Variants in XKR9 observed in about 807,000 individuals in gnomAD.
XKR9 encodes the protein XK-related protein 9.
A neutral mutation model predicts 32.0 loss-of-function variants in XKR9; 32 were observed. That is an observed-to-expected ratio of 1.00 (90% CI 0.76 to 1.34). The LOEUF (loss-of-function observed/expected upper bound fraction) is 1.34, where lower values mean the gene tolerates loss of function less well. Among genes scored for constraint, XKR9 ranks in the 40% most tolerant of loss-of-function variants. The probability of loss-of-function intolerance (pLI) is 0.00; values close to 1 mark genes in which losing one functional copy is unlikely to be tolerated. For missense variants in XKR9, 546 were observed against 429.7 expected (o/e 1.27, Z -2.39); for synonymous variants, 168 against 143.4 (o/e 1.17, Z -1.22).
At chr8:70,886,884 GT>G in the XKR9 span, among the ~76,000 whole-genome samples, 2 of 152,192 alleles carry the variant, frequency 1.3e-5, no homozygotes, top group East Asian at 3.9e-4. Context: ...AAACTCTTTA[GT>G]TTAATTAGAT....
At chr8:70,827,635 G>C in the XKR9 span, among the ~76,000 whole-genome samples, 1 of 152,092 alleles carries the variant, frequency 6.6e-6, no homozygotes, top group Non-Finnish European at 1.5e-5. Context: ...TCCCTTTAAA[G>C]CAGAGAAGTT....
At chr8:70,935,173 A>T in the XKR9 span, among the ~76,000 whole-genome samples, 1 of 121,486 alleles carries the variant, frequency 8.2e-6, no homozygotes, top group South Asian at 2.6e-4. Flanking sequence ...ATATATACAC[A>T]TATGTATATA....
chr8:71,057,534 A>G, the XKR9 span, among the ~76,000 whole-genome samples: 1 of 152,320 alleles, frequency 6.6e-6, no homozygotes, highest in African/African-American at 2.4e-5. Context: ...TTTCTATTCA[A>G]TACATGTTGA....
chr8:70,778,730 C>T (rs1807568866), intron 2 of XKR9, among the ~76,000 whole-genome samples: 1 of 152,082 alleles, frequency 6.6e-6, no homozygotes, highest in South Asian at 2.1e-4. Flanking sequence ...GGAGTTCACT[C>T]ATGATTTGGG....
intron 2 of XKR9, among the ~76,000 whole-genome samples, chr8:70,741,884 G>A (rs149909156): frequency 1.3e-5 from 2 of 152,016 alleles, no homozygotes; most frequent in African/African-American, 4.8e-5. Context: ...TTTCCATAAT[G>A]GCTGCACTAT....
At chr8:70,690,536 T>TG (rs1262651924) in intron 3 of XKR9, among the ~76,000 whole-genome samples, 14 of 141,576 alleles carry the variant, frequency 9.9e-5, no homozygotes, top group Admixed American at 2.9e-4. Context: ...GAGATGGGGG[T>TG]GGGGGTCTCA....
Position 70,732,531 on chromosome 8 carries a change from C to T in XKR9, c.494-1265C>T, listed in dbSNP as rs73300870. On this transcript the variant is annotated intron_variant, in intron 4 of 4. Coordinates refer to ENST00000408926, the MANE Select transcript of XKR9 (RefSeq NM_001011720.2). ...TGGTAGTCACAAGGCCATTCCTGGA[C>T]GAGCCCCCATATTTGTAACCACCCA... Among the ~76,000 whole-genome samples, 7 of 152,288 alleles carry T rather than the reference C, an allele frequency of 4.6e-5. No homozygotes were observed. The East Asian group carries it at 7.7e-4, about 17-fold the overall frequency.
At chr8:70,743,419 G>C (rs545350156) in intron 2 of XKR9, among the ~76,000 whole-genome samples, 9 of 152,154 alleles carry the variant, frequency 5.9e-5, no homozygotes, top group Non-Finnish European at 1.3e-4. Context: ...TCTTGAGTAT[G>C]GGTTACATTT....
chr8:70,843,213 C>A, the XKR9 span, among the ~76,000 whole-genome samples: 1 of 152,012 alleles, frequency 6.6e-6, no homozygotes, highest in Admixed American at 6.5e-5. Flanking sequence ...CATAATAAAG[C>A]TAATTAATGC....
At chr8:70,754,886 T>G (rs887110041) in intron 2 of XKR9, among the ~76,000 whole-genome samples, 2 of 152,148 alleles carry the variant, frequency 1.3e-5, no homozygotes, top group African/African-American at 4.8e-5. Context: ...CCAAAAGCAA[T>G]GGCAACAAAA....
the XKR9 span, among the ~76,000 whole-genome samples, chr8:70,944,132 T>C: frequency 7.3e-6 from 1 of 137,028 alleles, no homozygotes; most frequent in Non-Finnish European, 1.7e-5. Context: ...GAGAAAGTTA[T>C]TCCCCCCGCC....
At chr8:70,723,761 G>A (rs1331356924) in intron 4 of XKR9, among the ~76,000 whole-genome samples, 4 of 152,118 alleles carry the variant, frequency 2.6e-5, no homozygotes, top group Non-Finnish European at 5.9e-5. Flanking sequence ...ACCCCTGCTG[G>A]GATGCGCCTC....
At chr8:70,850,925 C>G in the XKR9 span, among the ~76,000 whole-genome samples, 4 of 152,168 alleles carry the variant, frequency 2.6e-5, no homozygotes, top group East Asian at 7.7e-4. Flanking sequence ...ATTGGAAGTT[C>G]TGGCCAGGAC....
chr8:70,882,480 C>A, the XKR9 span, among the ~76,000 whole-genome samples: 13 of 151,326 alleles, frequency 8.6e-5, no homozygotes, highest in Non-Finnish European at 1.5e-4. Context: ...ACAGTACTGA[C>A]CCTTGTAAAA....
intron 2 of XKR9, among the ~76,000 whole-genome samples, chr8:70,784,078 A>T (rs978967320): frequency 2.2e-4 from 34 of 152,166 alleles, no homozygotes; most frequent in Non-Finnish European, 3.1e-4. Flanking sequence ...CTTTAATGCC[A>T]GTACTATGCT....
the XKR9 span, among the ~76,000 whole-genome samples, chr8:70,914,397 A>T: frequency 6.6e-6 from 1 of 152,184 alleles, no homozygotes; most frequent in African/African-American, 2.4e-5. Context: ...TGTACTTGTC[A>T]ATATTTAGCA....
chr8:70,719,438 G>A (rs550280395), intron 4 of XKR9, among the ~76,000 whole-genome samples: 1 of 152,206 alleles, frequency 6.6e-6, no homozygotes, highest in East Asian at 1.9e-4. Flanking sequence ...ATGGTTTTAG[G>A]TTTTAGGTTT....
chr8:70,914,173 T>C, the XKR9 span, among the ~76,000 whole-genome samples: 2 of 152,214 alleles, frequency 1.3e-5, no homozygotes, highest in African/African-American at 4.8e-5. Flanking sequence ...CAAGTGATCC[T>C]TCTGCCTCAG....
At chr8:70,736,391 C>T (rs1036104411), downstream of XKR9, among the ~76,000 whole-genome samples, 215 of 152,058 alleles carry the variant, frequency 1.4e-3, 2 homozygotes, top group Non-Finnish European at 2.2e-3. Flanking sequence ...GAGTAGGTTG[C>T]GAACATTTTC....
Sources: gnomAD v4.1 joint callset for allele counts (sites outside exome capture counted in the v4.1 genomes callset) on GRCh38, gnomAD v4.1.1 for gene constraint, MANE v1.5 for transcripts, NCBI Gene and HGNC (gene_info 2026-07-23, HGNC 2026-07-21) for gene names.